FAF1: variants seen among roughly 807,000 people sequenced by gnomAD.
FAF1 encodes the protein Fas associated factor 1.
A neutral mutation model predicts 92.5 loss-of-function variants in FAF1; 25 were observed. The observed-to-expected ratio is 0.27, with a 90% CI of 0.20 to 0.38. FAF1 has a LOEUF of 0.38. FAF1 is among the 10% of genes least tolerant of loss of function. The pLI is 1.00. For synonymous variants in FAF1, 234 were observed against 273.2 expected, an observed-to-expected ratio of 0.86 and a Z score of 1.42; for missense variants, 636 against 793.3, an observed-to-expected ratio of 0.80 and a Z score of 2.38.
chr1:50,744,886 T>A (rs1659526116), intron 4 of FAF1, 111 bp from the exon 5 acceptor site: 1 of 536,302 alleles, frequency 1.9e-6, no homozygotes, highest in Admixed American at 3.6e-5. Context: ...TCAATGACAT[T>A]TGTCTGATGA....
At chr1:50,448,937 C>CTTTT (rs61654181) in intron 18 of FAF1, among the ~76,000 whole-genome samples, 1 of 124,560 alleles carries the variant, frequency 8.0e-6, no homozygotes, top group African/African-American at 3.0e-5. Flanking sequence ...AGGGTCACAG[C>CTTTT]TTTTTTTTTT....
intron 1 of FAF1, among the ~76,000 whole-genome samples, chr1:50,925,986 C>G (rs1242292037): frequency 2.7e-4 from 41 of 152,190 alleles, no homozygotes; most frequent in Non-Finnish European, 2.9e-5. Flanking sequence ...GAGGCTGAGG[C>G]AGGAGGGTCG....
At chr1:50,787,812 T>C (rs1661416841) in intron 4 of FAF1, among the ~76,000 whole-genome samples, 188 bp downstream of exon 4, 1 of 152,158 alleles carries the variant, frequency 6.6e-6, no homozygotes, top group Non-Finnish European at 1.5e-5. Context: ...AAAATTATTC[T>C]CAAACTTACC....
chr1:50,724,147 G>A (rs568265092), intron 6 of FAF1, among the ~76,000 whole-genome samples: 2 of 151,048 alleles, frequency 1.3e-5, no homozygotes, highest in East Asian at 2.0e-4. Flanking sequence ...GCAGGAGGAC[G>A]ACTGCTTGAG....
At position 50,814,526 on chromosome 1, in the gene FAF1, TTATAGA is replaced by T. The variant is rs1643948733; in HGVS notation, c.115-12855_115-12850del. The stretch of plus-strand genomic sequence containing the variant: ...TCTACATGGCTGTATCTCAAAAACA[TTATAGA>T]TATTCAAAAAACAAGCCAATTATAG... On this transcript the variant is annotated intron_variant, in intron 2 of 18. Coordinates refer to ENST00000396153, the MANE Select transcript of FAF1 (RefSeq NM_007051.3). Among the ~76,000 whole-genome samples the T allele has an allele frequency of 3.3e-5, 5 of 152,234 alleles. No individual in the cohort carries two copies. The South Asian group carries it at 8.3e-4, about 25-fold the overall frequency.
intron 7 of FAF1, among the ~76,000 whole-genome samples, chr1:50,662,527 A>G (rs1053076651): frequency 3.3e-5 from 5 of 152,134 alleles, no homozygotes; most frequent in Non-Finnish European, 2.9e-5. Flanking sequence ...AACACTACCC[A>G]GCATAAGATT....
intron 8 of FAF1, among the ~76,000 whole-genome samples, chr1:50,624,962 C>CCTG (rs1653427095): frequency 2.1e-5 from 3 of 145,002 alleles, no homozygotes; most frequent in Non-Finnish European, 4.5e-5. Context: ...AGTGCAATGG[C>CCTG]ATGATCTCGG....
intron 1 of FAF1, among the ~76,000 whole-genome samples, chr1:50,902,924 G>A (rs1644808056): frequency 6.6e-6 from 1 of 152,008 alleles, no homozygotes; most frequent in Non-Finnish European, 1.5e-5. Context: ...ACTCATTTGT[G>A]GTGAGAGTTT....
At chr1:50,509,874 TA>T (rs1046177827) in intron 15 of FAF1, among the ~76,000 whole-genome samples, 7 of 146,500 alleles carry the variant, frequency 4.8e-5, no homozygotes, top group South Asian at 2.2e-4. Context: ...ATCTCTAAAT[TA>T]AAAAAAAAAT....
chr1:50,474,918 A>G (rs1349836842), intron 18 of FAF1, among the ~76,000 whole-genome samples: 4 of 152,200 alleles, frequency 2.6e-5, no homozygotes, highest in African/African-American at 9.6e-5. Context: ...TAACACATCT[A>G]TATCTCTCTA....
At chr1:50,493,034 CTT>C (rs527436973) in intron 15 of FAF1, among the ~76,000 whole-genome samples, 37 of 137,842 alleles carry the variant, frequency 2.7e-4, no homozygotes, top group Admixed American at 2.9e-4. Context: ...GATTAAACTT[CTT>C]TTTTTTTTTT....
At chr1:50,726,900 G>A (rs1396292532) in intron 6 of FAF1, among the ~76,000 whole-genome samples, 3 of 152,194 alleles carry the variant, frequency 2.0e-5, no homozygotes, top group East Asian at 3.8e-4. Flanking sequence ...TTACTAGACC[G>A]TGACTAAAGC....
chr1:50,928,782 CAAA>C (rs1157426126), intron 1 of FAF1, among the ~76,000 whole-genome samples: 26 of 39,722 alleles, frequency 6.5e-4, no homozygotes, highest in Non-Finnish European at 1.1e-3. Flanking sequence ...GACTCCACCT[CAAA>C]AAAAAAAAAA....
At chr1:50,693,380 T>TA in intron 7 of FAF1, among the ~76,000 whole-genome samples, 1 of 152,312 alleles carries the variant, frequency 6.6e-6, no homozygotes, top group Non-Finnish European at 1.5e-5. Context: ...TTCTCAATTC[T>TA]AGTGCACTGA....
intron 1 of FAF1, among the ~76,000 whole-genome samples, chr1:50,882,270 C>T (rs1230807124): frequency 2.6e-5 from 4 of 152,078 alleles, no homozygotes; most frequent in African/African-American, 9.7e-5. Flanking sequence ...GTAAGAAGAT[C>T]TAAAATGAAA....
At chr1:50,793,899 T>A (rs1396034412) in intron 3 of FAF1, among the ~76,000 whole-genome samples, 3 of 152,166 alleles carry the variant, frequency 2.0e-5, no homozygotes, top group African/African-American at 7.2e-5. Flanking sequence ...TGTTCCAAAA[T>A]CTGAAACTTT....
intron 8 of FAF1, among the ~76,000 whole-genome samples, chr1:50,615,578 A>G (rs187993692): frequency 9.8e-5 from 15 of 152,314 alleles, no homozygotes; most frequent in Admixed American, 6.5e-4. Context: ...GTCTGGTGTG[A>G]GATGGTATCT....
chr1:50,522,150 C>T (rs755971708), intron 15 of FAF1, among the ~76,000 whole-genome samples: 2 of 152,090 alleles, frequency 1.3e-5, no homozygotes, highest in African/African-American at 4.8e-5. Flanking sequence ...ATAATATTTG[C>T]GAATATGGCA....
chr1:50,607,400 T>C (rs1652477101), intron 8 of FAF1, among the ~76,000 whole-genome samples: 1 of 152,232 alleles, frequency 6.6e-6, no homozygotes, highest in South Asian at 2.1e-4. Flanking sequence ...ATGATTCTCA[T>C]GTTTTCTCTC....
Sources: gnomAD v4.1 joint callset for allele counts (sites outside exome capture counted in the v4.1 genomes callset) on GRCh38, gnomAD v4.1.1 for gene constraint, MANE v1.5 for transcripts, NCBI Gene and HGNC (gene_info 2026-07-23, HGNC 2026-07-21) for gene names.